The following C12orf42 variants were observed in gnomAD, a reference collection of about 807,000 sequenced individuals.
C12orf42 encodes the protein chromosome 12 open reading frame 42.
In C12orf42, 25 loss-of-function variants were observed where a neutral mutation model predicts 21.6. That is an observed-to-expected ratio of 1.16 (90% confidence interval 0.84 to 1.62). C12orf42 has a LOEUF of 1.62. C12orf42 is among the 40% of genes most tolerant of loss of function. The probability of loss-of-function intolerance (pLI) is 0.00; values close to 1 mark genes in which losing one functional copy is unlikely to be tolerated. For missense variants in C12orf42, 483 were observed against 459.3 expected, an observed-to-expected ratio of 1.05 and a Z score of -0.47; for synonymous variants, 174 against 175.0, an observed-to-expected ratio of 0.99 and a Z score of 0.05.
the C12orf42 span, among the ~76,000 whole-genome samples, chr12:103,189,028 AT>A: frequency 6.7e-6 from 1 of 150,156 alleles, no homozygotes; most frequent in African/African-American, 2.4e-5. Context: ...GGATTTTCCT[AT>A]TTGTTTAATT....
the C12orf42 span, among the ~76,000 whole-genome samples, chr12:103,539,905 A>C: frequency 2.6e-5 from 4 of 152,088 alleles, no homozygotes; most frequent in Non-Finnish European, 5.9e-5. Flanking sequence ...AATTTTTCTT[A>C]ACTTTAATAA....
At chr12:103,092,606 C>T in the C12orf42 span, among the ~76,000 whole-genome samples, 1 of 152,158 alleles carries the variant, frequency 6.6e-6, no homozygotes, top group African/African-American at 2.4e-5. Flanking sequence ...GACTTCAGTG[C>T]AACGTATTCT....
At position 103,320,681 on chromosome 12, in the gene C12orf42, G is replaced by A. The variant is rs376131551; in HGVS notation, c.260-14336C>T. ...TCAATATTAGAGATATGGGGTTCTG[G>A]TTATTAAATATCATCTTTTTAAAAA... is the stretch of plus-strand genomic sequence containing the variant. On this transcript the variant is annotated intron_variant, in intron 4 of 5. Transcript: ENST00000548883. 1.2e-3 allele frequency among the ~76,000 whole-genome samples: 182 copies of A among 152,058 alleles called. 1 individual carries two copies. Among genetic ancestry groups the A allele is most frequent in the South Asian group, 0.012 (57 of 4,814 alleles).
At chr12:103,494,006 G>A (rs1438152195) in intron 1 of C12orf42, among the ~76,000 whole-genome samples, 1 of 152,268 alleles carries the variant, frequency 6.6e-6, no homozygotes, top group East Asian at 1.9e-4. Flanking sequence ...CTCAAAATGA[G>A]TTAGAAGTAT....
chr12:103,195,438 A>G, the C12orf42 span, among the ~76,000 whole-genome samples: 1 of 152,116 alleles, frequency 6.6e-6, no homozygotes, highest in African/African-American at 2.4e-5. Context: ...TCTTTTCTCC[A>G]CAACCTTGCC....
chr12:103,196,740 G>A, the C12orf42 span, among the ~76,000 whole-genome samples: 21 of 151,754 alleles, frequency 1.4e-4, no homozygotes, highest in East Asian at 3.5e-3. Context: ...CAAGAATAGC[G>A]ACCTCTACTC....
chr12:103,347,895 T>C (rs1270207640), intron 4 of C12orf42, among the ~76,000 whole-genome samples: 3 of 152,082 alleles, frequency 2.0e-5, no homozygotes, highest in African/African-American at 4.8e-5. Flanking sequence ...TATAATATCA[T>C]TGAGCCATTA....
intron 3 of C12orf42, among the ~76,000 whole-genome samples, chr12:103,374,619 A>G (rs2045535381): frequency 6.6e-6 from 1 of 152,126 alleles, no homozygotes; most frequent in African/African-American, 2.4e-5. Flanking sequence ...AGGGGTGTCC[A>G]ATCTTGGGCC....
chr12:103,094,645 C>T, the C12orf42 span, among the ~76,000 whole-genome samples: 2 of 152,132 alleles, frequency 1.3e-5, no homozygotes, highest in African/African-American at 4.8e-5. Flanking sequence ...TTTATTTACC[C>T]TCATAAATGG....
intron 4 of C12orf42, among the ~76,000 whole-genome samples, chr12:103,357,136 G>A (rs529847908): frequency 6.6e-4 from 91 of 137,358 alleles, no homozygotes; most frequent in Middle Eastern, 3.6e-3. Context: ...ATCACACTCT[G>A]GGGACTGTTG....
At chr12:103,524,111 CCTT>C in the C12orf42 span, among the ~76,000 whole-genome samples, 4 of 152,280 alleles carry the variant, frequency 2.6e-5, no homozygotes, top group Non-Finnish European at 5.9e-5. Context: ...CAGAATCTGA[CCTT>C]CTTTAGCTTC....
At chr12:103,486,022 G>A (rs576444450) in intron 1 of C12orf42, among the ~76,000 whole-genome samples, 1 of 152,280 alleles carries the variant, frequency 6.6e-6, no homozygotes, top group South Asian at 2.1e-4. Context: ...GAATAGGAGT[G>A]GTGACAGAGA....
At chr12:103,507,077 T>TA in the C12orf42 span, among the ~76,000 whole-genome samples, 1 of 11,914 alleles carries the variant, frequency 8.4e-5, no homozygotes, top group Non-Finnish European at 1.1e-4. Flanking sequence ...TAAATATATA[T>TA]TTATATATAA....
chr12:103,054,818 C>T, the C12orf42 span, among the ~76,000 whole-genome samples: 4 of 151,790 alleles, frequency 2.6e-5, no homozygotes, highest in African/African-American at 7.2e-5. Context: ...CCTTTCTACA[C>T]GATTGATATG....
chr12:103,455,434 G>A (rs577737570), intron 2 of C12orf42, among the ~76,000 whole-genome samples: 11 of 152,236 alleles, frequency 7.2e-5, no homozygotes, highest in Middle Eastern at 6.8e-3. Flanking sequence ...GCTGAAAAAC[G>A]TGGTCCAAAG....
the C12orf42 span, among the ~76,000 whole-genome samples, chr12:103,075,413 A>G: frequency 6.6e-6 from 1 of 152,360 alleles, no homozygotes; most frequent in African/African-American, 2.4e-5. Context: ...AAGTACTTAC[A>G]AATAGTAGAC....
At chr12:103,129,337 T>A in the C12orf42 span, among the ~76,000 whole-genome samples, 1 of 152,270 alleles carries the variant, frequency 6.6e-6, no homozygotes, top group South Asian at 2.1e-4. Flanking sequence ...CTACATGGAA[T>A]GAAGTGACGT....
In C12orf42 at chr12:103,273,921, T is replaced by G. The variant is rs1282396988; in HGVS notation, n.398+3229A>C. On this transcript the variant is annotated intron_variant and non_coding_transcript_variant, in intron 5 of 6. Transcript: ENST00000546526. ...AGTCCAAGGAGGACGAGCAGAAAAGTGCTTTTCGCATACTCACAGTAAGTA... is the reference window on the plus strand; with the variant it reads ...AGTCCAAGGAGGACGAGCAGAAAAGGGCTTTTCGCATACTCACAGTAAGTA... 6.6e-6 allele frequency: 3 copies of G among 456,030 alleles called. No individual in the cohort carries two copies. In the East Asian group the frequency reaches 2.1e-4, roughly 32 times the overall value. The allele number at this position is 456,030 out of a possible 1,614,324, so 28.2% of individuals were successfully genotyped here.
chr12:103,228,017 G>A, the C12orf42 span, among the ~76,000 whole-genome samples: 1 of 152,158 alleles, frequency 6.6e-6, no homozygotes, highest in Non-Finnish European at 1.5e-5. Flanking sequence ...TGAGGTCATA[G>A]GTGGATCTTT....
Sources: allele counts gnomAD v4.1 joint callset (sites outside exome capture counted in the v4.1 genomes callset), GRCh38; gene constraint gnomAD v4.1.1; transcripts MANE v1.5; gene names NCBI Gene and HGNC (gene_info 2026-07-23, HGNC 2026-07-21).